Variants in ABTB3 observed in about 807,000 individuals in gnomAD.
ABTB3 encodes the protein ankyrin repeat and BTB domain containing 3.
the ABTB3 span, among the ~76,000 whole-genome samples, chr12:107,608,863 C>T: frequency 8.1e-6 from 1 of 123,664 alleles, no homozygotes; most frequent in Non-Finnish European, 1.7e-5. Flanking sequence ...AGAGCAAGAC[C>T]CTGCCTCAAA....
At chr12:107,503,599 A>T in the ABTB3 span, among the ~76,000 whole-genome samples, 1 of 151,868 alleles carries the variant, frequency 6.6e-6, no homozygotes, top group Non-Finnish European at 1.5e-5. Flanking sequence ...CTATACAAAA[A>T]ATCAAACATT....
the ABTB3 span, among the ~76,000 whole-genome samples, chr12:107,546,217 G>C: frequency 6.6e-6 from 1 of 152,196 alleles, no homozygotes; most frequent in African/African-American, 2.4e-5. Context: ...AGCAGAGTAG[G>C]AGGTCCACAA....
the ABTB3 span, among the ~76,000 whole-genome samples, chr12:107,637,824 G>C: frequency 7.1e-6 from 1 of 141,572 alleles, no homozygotes; most frequent in Non-Finnish European, 1.6e-5. Context: ...GTGTGTGTGT[G>C]TGTGTGTGTG....
chr12:107,356,619 C>A, the ABTB3 span, among the ~76,000 whole-genome samples: 1 of 152,204 alleles, frequency 6.6e-6, no homozygotes, highest in Non-Finnish European at 1.5e-5. Flanking sequence ...TAGCTCTCAT[C>A]TGGCTGGTTC....
At chr12:107,585,484 C>T in the ABTB3 span, among the ~76,000 whole-genome samples, 1 of 152,140 alleles carries the variant, frequency 6.6e-6, no homozygotes, top group East Asian at 1.9e-4. Context: ...TAGCAGGTGA[C>T]CTTGGGCAAG....
chr12:107,602,966 G>A, the ABTB3 span, among the ~76,000 whole-genome samples: 3 of 152,144 alleles, frequency 2.0e-5, no homozygotes, highest in African/African-American at 7.2e-5. Context: ...TGACCACCTC[G>A]GTAGCTGCCC....
At chr12:107,525,205 T>G in the ABTB3 span, among the ~76,000 whole-genome samples, 1 of 151,258 alleles carries the variant, frequency 6.6e-6, no homozygotes, top group Non-Finnish European at 1.5e-5. Context: ...CATGCGCCTG[T>G]AGTCCCAGCT....
chr12:107,606,353 G>T, the ABTB3 span, among the ~76,000 whole-genome samples: 1 of 152,046 alleles, frequency 6.6e-6, no homozygotes, highest in Non-Finnish European at 1.5e-5. Context: ...TCTTAGCTAC[G>T]GTAATTTTCT....
chr12:107,490,432 G>A, the ABTB3 span, among the ~76,000 whole-genome samples: 1 of 152,142 alleles, frequency 6.6e-6, no homozygotes, highest in Non-Finnish European at 1.5e-5. Context: ...CTGGACTGGG[G>A]GAGTTGAAAC....
chr12:107,466,481 A>G, the ABTB3 span, among the ~76,000 whole-genome samples: 1 of 151,842 alleles, frequency 6.6e-6, no homozygotes, highest in South Asian at 2.1e-4. Flanking sequence ...CAAATGTCCA[A>G]TAGAGGCAGG....
At chr12:107,570,324 C>G in the ABTB3 span, among the ~76,000 whole-genome samples, 1 of 152,184 alleles carries the variant, frequency 6.6e-6, no homozygotes. Context: ...AAGCGATTCT[C>G]GTGCCTCAGC....
At chr12:107,590,374 C>T in the ABTB3 span, among the ~76,000 whole-genome samples, 1 of 152,082 alleles carries the variant, frequency 6.6e-6, no homozygotes, top group African/African-American at 2.4e-5. Flanking sequence ...CAGGATGTTG[C>T]CCCTGGAAGT....
chr12:107,646,792 AAAC>A, the ABTB3 span, among the ~76,000 whole-genome samples: 1 of 152,164 alleles, frequency 6.6e-6, no homozygotes, highest in Non-Finnish European at 1.5e-5. Flanking sequence ...CTCTAGTGAG[AAAC>A]AACACTGCAG....
At chr12:107,630,197 G>A in the ABTB3 span, among the ~76,000 whole-genome samples, 2 of 152,192 alleles carry the variant, frequency 1.3e-5, no homozygotes, top group African/African-American at 2.4e-5. Context: ...GTGCCACCAC[G>A]GCGTAGCACC....
the ABTB3 span, among the ~76,000 whole-genome samples, chr12:107,518,340 A>C: frequency 2.7e-4 from 41 of 152,318 alleles, no homozygotes; most frequent in Admixed American, 2.2e-3. Context: ...TATTCACAAT[A>C]GCAAAGACTT....
the ABTB3 span, among the ~76,000 whole-genome samples, chr12:107,380,400 G>A: frequency 3.3e-5 from 5 of 152,050 alleles, no homozygotes; most frequent in African/African-American, 1.2e-4. Flanking sequence ...TGAAAGCCCC[G>A]CCCACACCAG....
chr12:107,377,754 C>T, the ABTB3 span, among the ~76,000 whole-genome samples: 1 of 152,186 alleles, frequency 6.6e-6, no homozygotes, highest in Non-Finnish European at 1.5e-5. Flanking sequence ...ATGGGATTAA[C>T]ATTGCACACA....
the ABTB3 span, among the ~76,000 whole-genome samples, chr12:107,546,942 C>T: frequency 6.6e-6 from 1 of 152,050 alleles, no homozygotes; most frequent in Admixed American, 6.5e-5. Context: ...ACTTGTAATC[C>T]CAGCACTTTG....
At chr12:107,643,095 A>G in the ABTB3 span, among the ~76,000 whole-genome samples, 1 of 152,050 alleles carries the variant, frequency 6.6e-6, no homozygotes, top group Non-Finnish European at 1.5e-5. Context: ...CAGGGTTCAT[A>G]AGACAATGTG....
Sources: allele counts gnomAD v4.1 joint callset (sites outside exome capture counted in the v4.1 genomes callset), GRCh38; gene constraint gnomAD v4.1.1; transcripts MANE v1.5; gene names NCBI Gene and HGNC (gene_info 2026-07-23, HGNC 2026-07-21).